PTPRD: variants seen among roughly 807,000 people sequenced by gnomAD.
PTPRD encodes the protein protein tyrosine phosphatase receptor type D, also known as receptor-type tyrosine-protein phosphatase delta.
PTPRD carries 34 observed loss-of-function variants against 214.5 expected under a neutral mutation model. That is an observed-to-expected ratio of 0.16 (90% CI 0.12 to 0.21). PTPRD has a LOEUF of 0.21. Among genes scored for constraint, PTPRD ranks in the 10% least tolerant of loss-of-function variants. The pLI, the probability that PTPRD is intolerant of heterozygous loss-of-function variation, is 1.00. For missense variants in PTPRD, 2,545 were observed against 2,398.7 expected (o/e 1.06, Z -1.27); for synonymous variants, 1,128 against 845.7 (o/e 1.33, Z -5.79).
intron 14 of PTPRD, among the ~76,000 whole-genome samples, chr9:8,620,057 C>T (rs1385548869): frequency 6.6e-6 from 1 of 151,948 alleles, no homozygotes; most frequent in Non-Finnish European, 1.5e-5. Context: ...GCAGACCTCT[C>T]CTTTAGGGCT....
intron 6 of PTPRD, among the ~76,000 whole-genome samples, chr9:9,755,093 T>C (rs967901963): frequency 6.6e-6 from 1 of 151,886 alleles, no homozygotes; most frequent in Non-Finnish European, 1.5e-5. Context: ...TATACAAGAA[T>C]CTGCATATTA....
intron 5 of PTPRD, among the ~76,000 whole-genome samples, chr9:9,891,057 T>C (rs1264967433): frequency 6.6e-6 from 1 of 152,148 alleles, no homozygotes; most frequent in Non-Finnish European, 1.5e-5. Flanking sequence ...GCTAAGATTA[T>C]CTTTCATTGA....
chr9:10,040,128 T>C (rs4741007), intron 3 of PTPRD, among the ~76,000 whole-genome samples: 4,304 of 152,064 alleles, frequency 0.028, 120 homozygotes, highest in Admixed American at 0.088. Context: ...TAATACTCTA[T>C]CTAGAAAAAT....
chr9:9,648,222 A>T (rs544889002), intron 7 of PTPRD, among the ~76,000 whole-genome samples: 1 of 139,116 alleles, frequency 7.2e-6, no homozygotes, highest in African/African-American at 2.7e-5. Context: ...ATAGCCTATT[A>T]AAAAAAAAAC....
chr9:8,900,012 T>G (rs2098654313), intron 11 of PTPRD, among the ~76,000 whole-genome samples: 1 of 152,216 alleles, frequency 6.6e-6, no homozygotes, highest in South Asian at 2.1e-4. Context: ...TTTTCTTTCT[T>G]AAATTTTTTA....
At chr9:9,594,715 T>G (rs1333536523) in intron 7 of PTPRD, among the ~76,000 whole-genome samples, 2 of 152,136 alleles carry the variant, frequency 1.3e-5, no homozygotes, top group Non-Finnish European at 2.9e-5. Flanking sequence ...TGCCTCTAGA[T>G]TTATTCTTTT....
intron 5 of PTPRD, among the ~76,000 whole-genome samples, chr9:9,885,116 A>T (rs2070348999): frequency 6.6e-6 from 1 of 152,072 alleles, no homozygotes; most frequent in Non-Finnish European, 1.5e-5. Context: ...TCAATGATAG[A>T]GCTAAGTAGA....
chr9:10,401,816 A>G (rs2098274821), intron 2 of PTPRD, among the ~76,000 whole-genome samples: 1 of 151,054 alleles, frequency 6.6e-6, no homozygotes, highest in South Asian at 2.1e-4. Flanking sequence ...CCATAACAGC[A>G]TATGTAAATA....
intron 4 of PTPRD, among the ~76,000 whole-genome samples, chr9:9,968,799 T>C (rs1331105424): frequency 6.6e-6 from 1 of 152,108 alleles, no homozygotes; most frequent in Non-Finnish European, 1.5e-5. Context: ...CTTAATTCAG[T>C]TTGGCATTAG....
chr9:8,626,956 C>T (rs1353346958), intron 14 of PTPRD, among the ~76,000 whole-genome samples: 1 of 151,730 alleles, frequency 6.6e-6, no homozygotes, highest in Non-Finnish European at 1.5e-5. Context: ...AACCCTAATA[C>T]ACTGCACACA....
At chr9:10,153,149 A>G (rs538602829) in intron 3 of PTPRD, among the ~76,000 whole-genome samples, 1 of 152,284 alleles carries the variant, frequency 6.6e-6, no homozygotes, top group East Asian at 1.9e-4. Context: ...AGTTGTTGAG[A>G]GTAGATTTTA....
intron 7 of PTPRD, among the ~76,000 whole-genome samples, chr9:9,596,407 T>G (rs577315856): frequency 1.3e-5 from 2 of 152,106 alleles, no homozygotes; most frequent in South Asian, 4.1e-4. Context: ...AAGAGTCTTA[T>G]AGGGACGATA....
intron 5 of PTPRD, among the ~76,000 whole-genome samples, chr9:9,916,725 G>C (rs938511124): frequency 1.3e-5 from 2 of 151,868 alleles, no homozygotes; most frequent in African/African-American, 4.8e-5. Context: ...CTTCACCATA[G>C]AACAAATGGA....
chr9:8,943,932 G>A (rs910263346), intron 11 of PTPRD, among the ~76,000 whole-genome samples: 2 of 151,920 alleles, frequency 1.3e-5, no homozygotes, highest in African/African-American at 2.4e-5. Flanking sequence ...CTTCTGCACA[G>A]CAAAGGGAAC....
chr9:9,157,659 T>A (rs991564878), intron 10 of PTPRD, among the ~76,000 whole-genome samples: 1 of 152,210 alleles, frequency 6.6e-6, no homozygotes, highest in Non-Finnish European at 1.5e-5. Context: ...CAGGACCAGA[T>A]GGCTTCACCA....
At chr9:9,936,745 A>G (rs1413637791) in intron 5 of PTPRD, among the ~76,000 whole-genome samples, 1 of 139,196 alleles carries the variant, frequency 7.2e-6, no homozygotes, top group African/African-American at 2.7e-5. Flanking sequence ...AAAGGACTAT[A>G]AATCATGCTG....
At chr9:9,498,899 C>T (rs2096295075) in intron 8 of PTPRD, among the ~76,000 whole-genome samples, 1 of 152,018 alleles carries the variant, frequency 6.6e-6, no homozygotes, top group Non-Finnish European at 1.5e-5. Flanking sequence ...TAAATCAGAT[C>T]CATAAATACT....
At chr9:9,010,248 AAAGT>A (rs2099503778) in intron 11 of PTPRD, among the ~76,000 whole-genome samples, 1 of 152,214 alleles carries the variant, frequency 6.6e-6, no homozygotes, top group East Asian at 1.9e-4. Flanking sequence ...AGCCTAAAAG[AAAGT>A]AAGACACAAT....
chr9:8,323,037 T>C (rs1465544029), intron 44 of PTPRD, among the ~76,000 whole-genome samples: 2 of 152,184 alleles, frequency 1.3e-5, no homozygotes, highest in South Asian at 4.1e-4. Context: ...GGAAGGCACG[T>C]TGAACATCAA....
Sources: allele counts gnomAD v4.1 joint callset (sites outside exome capture counted in the v4.1 genomes callset), GRCh38; gene constraint gnomAD v4.1.1; transcripts MANE v1.5; gene names NCBI Gene and HGNC (gene_info 2026-07-23, HGNC 2026-07-21).